The following RRP12 variants were observed in gnomAD, a reference collection of about 807,000 sequenced individuals.
RRP12 encodes ribosomal RNA processing 12 homolog.
In RRP12, 78 loss-of-function variants were observed where a neutral mutation model predicts 157.3. The ratio of observed to expected loss-of-function variants is 0.50; its 90% CI spans 0.41 to 0.60. RRP12 has a LOEUF of 0.60. RRP12 is among the 20% of genes least tolerant of loss of function. The pLI, the probability that RRP12 is intolerant of heterozygous loss-of-function variation, is 0.00. For synonymous variants in RRP12, 726 were observed against 670.9 expected (o/e 1.08, Z -1.27); for missense variants, 1,521 against 1,679.9 (o/e 0.91, Z 1.65).
chr10:97,365,139 C>T (rs1169688704), intron 29 of RRP12, among the ~76,000 whole-genome samples: 1 of 151,970 alleles, frequency 6.6e-6, no homozygotes, highest in African/African-American at 2.4e-5. Flanking sequence ...CGGCTGCAGT[C>T]GTGTGGCTGG....
At position 97,396,435 on chromosome 10, in the gene RRP12, C is replaced by T. The variant is rs943415601; in HGVS notation, c.370-134G>A. On this transcript the variant is annotated intron_variant, in intron 2 of 33. Transcript: ENST00000370992. The stretch of plus-strand genomic sequence containing the variant: ...CAGACAAGACAGGCAACATTCAGGG[C>T]CTAGGTCCATACCAGGGGGCCCAGC... The T allele has an allele frequency of 5.7e-6, 4 of 702,034 alleles. No individual in the cohort carries two copies. In the Admixed American group the frequency reaches 8.7e-5, roughly 15 times the overall value. The allele number at this position is 702,034 out of a possible 1,614,324, so 43.5% of individuals were successfully genotyped here.
At chr10:97,398,022 T>TATATAC (rs1564772490) in intron 2 of RRP12, among the ~76,000 whole-genome samples, 5 of 70,332 alleles carry the variant, frequency 7.1e-5, no homozygotes, top group African/African-American at 2.4e-4. Flanking sequence ...TATATATATA[T>TATATAC]GTATATATAT....
intron 9 of RRP12, 72 bp downstream of exon 9, chr10:97,385,823 A>G (rs895284423): frequency 1.1e-5 from 12 of 1,115,756 alleles, no homozygotes; most frequent in Middle Eastern, 2.6e-4. Flanking sequence ...GCGCAGGGCC[A>G]GTGCCCCCAG....
At chr10:97,390,713 T>G in intron 5 of RRP12, 26 bp downstream of exon 5, 2 of 1,551,772 alleles carry the variant, frequency 1.3e-6, no homozygotes, top group Non-Finnish European at 1.8e-6. Flanking sequence ...AGTCGCCAGA[T>G]GAGAAACTAA....
rs1844321505 is a variant in RRP12, at chr10:97,376,822, CT to C, written c.1798+2470del. Among the ~76,000 whole-genome samples the C allele has an allele frequency of 2.0e-5, 3 of 151,802 alleles. No homozygotes were observed. The South Asian group carries it at 6.2e-4, about 32-fold the overall frequency. On this transcript the variant is annotated intron_variant, in intron 15 of 33. Coordinates refer to ENST00000370992, the MANE Select transcript of RRP12 (RefSeq NM_015179.4). The stretch of plus-strand genomic sequence containing the variant: ...CTGCCCTAGACCAGGAGTCAGCCAA[CT>C]TTTTGTGCAAAAGGACCAGTACTTT...
chr10:97,375,578 A>G (rs1844282546), intron 15 of RRP12, among the ~76,000 whole-genome samples: 1 of 152,160 alleles, frequency 6.6e-6, no homozygotes, highest in African/African-American at 2.4e-5. Flanking sequence ...TAGTATTACC[A>G]GGACAAAGGG....
chr10:97,381,945 G>A, intron 10 of RRP12, 119 bp from the exon 11 acceptor site: 1 of 654,440 alleles, frequency 1.5e-6, no homozygotes, highest in Non-Finnish European at 2.7e-6. Flanking sequence ...GATCTGCAGG[G>A]CTCCGTAGGG....
Position 97,370,759 on chromosome 10 carries a change from A to T in RRP12, c.2540T>A (p.Leu847His). ...LKCLLHIVRK[L>H]SAEHKEFITA... ...GATGAACTCCTTGTGTTCAGCTGAG[A>T]GCTTCCTCACGATGTGTAGGAGGCA... is the stretch of plus-strand genomic sequence containing the variant. The change falls in exon 22 of 34, where the codon CTC becomes CAC. Residue 847 changes from leucine to histidine, a missense_variant. Physicochemically the swap from Leu to His is moderately conservative, Grantham distance 99 (BLOSUM62 -3). Transcript: ENST00000370992. 1 of 1,614,090 alleles carries T rather than the reference A, an allele frequency of 6.2e-7. No homozygotes were observed. The highest frequency in any genetic ancestry group is 8.5e-7 in the Non-Finnish European group (1 of 1,180,002).
At chr10:97,379,581 A>T in intron 14 of RRP12, 47 bp downstream of exon 14, 1 of 1,605,760 alleles carries the variant, frequency 6.2e-7, no homozygotes, top group Non-Finnish European at 8.5e-7. Flanking sequence ...TCCAGGGGAG[A>T]GAACAAGCCT....
In RRP12 at chr10:97,356,937, T is replaced by C. The variant is rs1264437802; in HGVS notation, c.*157A>G. 1.8e-6 allele frequency: 1 copy of C among 566,530 alleles called. No individual in the cohort carries two copies. Among genetic ancestry groups the C allele is most frequent in the African/African-American group, 1.9e-5 (1 of 52,006 alleles). The allele number at this position is 566,530 out of a possible 1,614,324, so 35.1% of individuals were successfully genotyped here. On this transcript the variant is annotated 3_prime_UTR_variant, in exon 34 of 34. Transcript: ENST00000370992. ...CTGAAGGGTGATTCCATTTGGAGTT[T>C]CCAAAATCCAGGACTTCTGAGAGCC... is the stretch of plus-strand genomic sequence containing the variant.
At chr10:97,377,182 C>T (rs573684300) in intron 15 of RRP12, among the ~76,000 whole-genome samples, 5 of 151,964 alleles carry the variant, frequency 3.3e-5, no homozygotes, top group East Asian at 3.9e-4. Flanking sequence ...GCCCAGCCCA[C>T]GGTACGTATG....
intron 24 of RRP12, 108 bp downstream of exon 24, chr10:97,370,059 A>T: frequency 2.6e-6 from 2 of 764,474 alleles, no homozygotes; most frequent in Non-Finnish European, 4.3e-6. Context: ...GGCTTTTCTT[A>T]CTTCCTCCAG....
chr10:97,390,860 G>A lies in RRP12; in HGVS notation c.531-16C>T, dbSNP rs967923624. ...GCTGGGAACACTGTGGGAAAGAACAGAGATGGTCACCCCAGAGGGTCCCTG... is the reference window on the plus strand; with the variant it reads ...GCTGGGAACACTGTGGGAAAGAACAAAGATGGTCACCCCAGAGGGTCCCTG... On this transcript the variant is annotated splice_polypyrimidine_tract_variant and intron_variant, in intron 4 of 33. Coordinates refer to ENST00000370992, the MANE Select transcript of RRP12 (RefSeq NM_015179.4). 2 of 1,545,504 alleles carry A rather than the reference G, an allele frequency of 1.3e-6. No homozygotes were observed. The highest frequency in any genetic ancestry group is 1.7e-5 in the Admixed American group (1 of 59,914).
Position 97,388,501 on chromosome 10 carries a change from C to CA in RRP12, c.876dup (p.Glu293Ter). On this transcript the variant is annotated frameshift_variant, in exon 7 of 34. Coordinates refer to ENST00000370992, the MANE Select transcript of RRP12 (RefSeq NM_015179.4). LOFTEE classifies it high-confidence loss of function. ...TTGGGTTCCCCACCTCCAGACTTCT[C>CA]AATCTCCTGGATGCAGAACTTGGCA... 1 of 1,614,204 alleles carries CA rather than the reference C, an allele frequency of 6.2e-7. No individual in the cohort carries two copies. Among genetic ancestry groups the CA allele is most frequent in the Non-Finnish European group, 8.5e-7 (1 of 1,180,040 alleles).
At chr10:97,369,299 G>T in intron 25 of RRP12, 126 bp downstream of exon 25, 1 of 970,346 alleles carries the variant, frequency 1.0e-6, no homozygotes, top group South Asian at 1.6e-5. Flanking sequence ...TCCCTTTTAG[G>T]GCTCCTTAAT....
intron 30 of RRP12, among the ~76,000 whole-genome samples, chr10:97,363,288 C>A (rs1363980193): frequency 6.6e-6 from 1 of 152,200 alleles, no homozygotes; most frequent in African/African-American, 2.4e-5. Context: ...TCAGGTGGGG[C>A]AGCTGAGAGG....
upstream of RRP12, chr10:97,401,369 C>A: frequency 8.7e-7 from 1 of 1,143,096 alleles, no homozygotes; most frequent in Non-Finnish European, 1.3e-6. Context: ...GTGTGCATTA[C>A]TATGGTAAAA....
Position 97,389,303 on chromosome 10 carries a change from C to T in RRP12, c.754-679G>A, listed in dbSNP as rs577592569. Among the ~76,000 whole-genome samples the T allele has an allele frequency of 5.7e-3, 862 of 152,166 alleles. 9 individuals carry two copies. The highest frequency in any genetic ancestry group is 0.02 in the African/African-American group (831 of 41,528). On this transcript the variant is annotated intron_variant, in intron 6 of 33. Coordinates refer to ENST00000370992, the MANE Select transcript of RRP12 (RefSeq NM_015179.4). ...AGAGACGGGGTTTCACTATGTTAGC[C>T]AGGATGGTCTCGATCTCCTGACCTC...
In RRP12 at chr10:97,389,845, T is replaced by C. The variant is rs548815501; in HGVS notation, c.753+578A>G. On this transcript the variant is annotated intron_variant, in intron 6 of 33. Coordinates refer to ENST00000370992, the MANE Select transcript of RRP12 (RefSeq NM_015179.4). Reference sequence around the variant, plus strand: ...CTCCTGCCTCAGCCTCCCGAGTAGCTGGGATTACAAGCACCCACCACCACA... The same window carrying C: ...CTCCTGCCTCAGCCTCCCGAGTAGCCGGGATTACAAGCACCCACCACCACA... Among the ~76,000 whole-genome samples, 8 of 152,232 alleles carry C rather than the reference T, an allele frequency of 5.3e-5. No individual in the cohort carries two copies. In the South Asian group the frequency reaches 8.3e-4, roughly 16 times the overall value.
Sources: gnomAD v4.1 joint callset for allele counts (sites outside exome capture counted in the v4.1 genomes callset) on GRCh38, gnomAD v4.1.1 for gene constraint, MANE v1.5 for transcripts, NCBI Gene and HGNC (gene_info 2026-07-23, HGNC 2026-07-21) for gene names.